The following IQUB variants were observed in gnomAD, a reference collection of about 807,000 sequenced individuals.
IQUB encodes the protein IQ motif and ubiquitin-like domain-containing protein.
In IQUB, 86 loss-of-function variants were observed where a neutral mutation model predicts 86.4. The ratio of observed to expected loss-of-function variants is 1.00; its 90% CI spans 0.84 to 1.19. The LOEUF is 1.19. Ranked by LOEUF, IQUB falls within the 50% of genes most tolerant of loss-of-function variation. The pLI, the probability that IQUB is intolerant of heterozygous loss-of-function variation, is 0.00. For synonymous variants in IQUB, 289 were observed against 304.5 expected (o/e 0.95, Z 0.53); for missense variants, 946 against 916.9 (o/e 1.03, Z -0.41).
At chr7:123,500,827 C>CA (rs375261699) in intron 6 of IQUB, among the ~76,000 whole-genome samples, 172 of 146,614 alleles carry the variant, frequency 1.2e-3, no homozygotes, top group African/African-American at 1.3e-3. Context: ...TTTAAAACTT[C>CA]AAAAAAAAAA....
Position 123,496,758 on chromosome 7 carries a change from T to C in IQUB, c.1172A>G (p.Tyr391Cys), listed in dbSNP as rs757492003. The change falls in exon 7 of 13, where the codon TAT becomes TGT. Residue 391 changes from tyrosine to cysteine, a missense_variant. Transcript: ENST00000324698. ...REKEEWIKLDYHRRHNPKTNE... is the reference protein window; with the variant it reads ...REKEEWIKLDCHRRHNPKTNE... ...TGTTTTAGGATTATGCCTCCGGTGA[T>C]AGTCCAATTTTATCCATTCTTCTTT... is the stretch of plus-strand genomic sequence containing the variant. 6.2e-7 allele frequency: 1 copy of C among 1,611,846 alleles called. No individual in the cohort carries two copies. The highest frequency in any genetic ancestry group is 8.5e-7 in the Non-Finnish European group (1 of 1,178,514).
intron 6 of IQUB, chr7:123,501,489 A>G (rs1795942419): frequency 6.6e-6 from 1 of 152,240 alleles, no homozygotes; most frequent in Non-Finnish European, 1.5e-5. Flanking sequence ...AGTGACTGCT[A>G]TCTTCTTACT....
intron 1 of IQUB, among the ~76,000 whole-genome samples, chr7:123,518,943 T>C (rs537224695): frequency 1.3e-5 from 2 of 149,076 alleles, no homozygotes; most frequent in East Asian, 3.9e-4. Flanking sequence ...TGTCTCAGTT[T>C]CCAGGGAGGC....
chr7:123,457,938 T>G (rs2116946382), intron 11 of IQUB: 1 of 169,884 alleles, frequency 5.9e-6, no homozygotes, highest in Non-Finnish European at 1.2e-5. Context: ...AGGGACCTTT[T>G]AAAACCTTTT....
intron 12 of IQUB, among the ~76,000 whole-genome samples, chr7:123,453,871 C>T (rs975620962): frequency 6.6e-6 from 1 of 152,122 alleles, no homozygotes; most frequent in Admixed American, 6.6e-5. Flanking sequence ...TTGGCACATT[C>T]AAAAGTAAAT....
chr7:123,473,904 C>T (rs1329202082), intron 8 of IQUB, among the ~76,000 whole-genome samples: 1 of 152,036 alleles, frequency 6.6e-6, no homozygotes, highest in African/African-American at 2.4e-5. Flanking sequence ...ATATTTGATA[C>T]TCTGTGGAAG....
At chr7:123,482,936 A>C (rs1057340446) in intron 7 of IQUB, among the ~76,000 whole-genome samples, 2 of 152,112 alleles carry the variant, frequency 1.3e-5, no homozygotes, top group Admixed American at 6.6e-5. Context: ...ACAGGTTGAA[A>C]CTGCAGCCCA....
intron 8 of IQUB, among the ~76,000 whole-genome samples, chr7:123,476,358 T>C (rs969084876): frequency 3.3e-5 from 5 of 152,172 alleles, no homozygotes; most frequent in African/African-American, 1.2e-4. Context: ...GGATGTTCCA[T>C]GTAAAGGCAC....
In IQUB at chr7:123,503,440, A is replaced by G. The variant is rs887011188; in HGVS notation, c.533-77T>C. 6 of 785,128 alleles carry G rather than the reference A, an allele frequency of 7.6e-6. No individual in the cohort carries two copies. The African/African-American group carries it at 1.1e-4, about 14-fold the overall frequency. The allele number at this position is 785,128 out of a possible 1,614,324, so 48.6% of individuals were successfully genotyped here. A position where few individuals can be genotyped will look rare whatever the true frequency, so the allele number is the denominator to read the frequency against. On this transcript the variant is annotated intron_variant, in intron 3 of 12. Coordinates refer to ENST00000324698, the MANE Select transcript of IQUB (RefSeq NM_178827.5). ...TCATTGATCTTATTTTTTGTTTTTA[A>G]TTGACAAATAAAAATTGTATATATT...
intron 8 of IQUB, among the ~76,000 whole-genome samples, chr7:123,479,492 A>G (rs1004813169): frequency 4.6e-5 from 7 of 152,120 alleles, no homozygotes; most frequent in African/African-American, 1.7e-4. Context: ...TCTAATTTAT[A>G]TAGCCAATCT....
At chr7:123,523,828 T>G (rs1281629072) in intron 1 of IQUB, among the ~76,000 whole-genome samples, 1 of 152,226 alleles carries the variant, frequency 6.6e-6, no homozygotes, top group African/African-American at 2.4e-5. Flanking sequence ...AGGGTTTTTA[T>G]GGTTTTAGGT....
chr7:123,511,984 C>T lies in IQUB; in HGVS notation c.357G>A (p.Lys119=), dbSNP rs1796436140. 1.9e-6 allele frequency: 3 copies of T among 1,611,112 alleles called. No homozygotes were observed. The highest frequency in any genetic ancestry group is 2.5e-6 in the Non-Finnish European group (3 of 1,177,626). ...CTTCCACTGATTCTTGCAAAGATTCCTTTACAGACTTTATTTTATCCAGAA... is the reference window on the plus strand; with the variant it reads ...CTTCCACTGATTCTTGCAAAGATTCTTTTACAGACTTTATTTTATCCAGAA... ...LAFLDKIKSV[K]ESLQESVEDS... The change falls in exon 2 of 13, where the codon AAG becomes AAA. Residue 119 remains lysine, a synonymous_variant. Coordinates refer to ENST00000324698, the MANE Select transcript of IQUB (RefSeq NM_178827.5).
intron 10 of IQUB, among the ~76,000 whole-genome samples, chr7:123,464,529 C>T (rs1794157420): frequency 6.6e-6 from 1 of 151,772 alleles, no homozygotes; most frequent in Non-Finnish European, 1.5e-5. Flanking sequence ...CAGGGGAAAC[C>T]AACGGTATGT....
At chr7:123,479,070 G>T (rs1051433611) in intron 8 of IQUB, among the ~76,000 whole-genome samples, 12 of 152,016 alleles carry the variant, frequency 7.9e-5, no homozygotes, top group African/African-American at 2.7e-4. Context: ...TGGTTTTTAA[G>T]AACAAATGTC....
chr7:123,522,027 T>C (rs900293068), intron 1 of IQUB, among the ~76,000 whole-genome samples: 3 of 152,026 alleles, frequency 2.0e-5, no homozygotes, highest in Non-Finnish European at 4.4e-5. Context: ...AAAGAAGCAA[T>C]CGGCCATGGG....
chr7:123,491,546 AT>A (rs1274651149), intron 7 of IQUB, among the ~76,000 whole-genome samples: 106 of 152,316 alleles, frequency 7.0e-4, no homozygotes, highest in African/African-American at 2.4e-3. Context: ...AACATGGAAC[AT>A]TATTAACATC....
intron 3 of IQUB, among the ~76,000 whole-genome samples, chr7:123,504,917 G>A (rs1796109383): frequency 6.6e-6 from 1 of 152,150 alleles, no homozygotes. Flanking sequence ...GACAAGGCAA[G>A]TCCCTTCCAC....
At chr7:123,527,798 G>A (rs1002281208) in intron 1 of IQUB, among the ~76,000 whole-genome samples, 64 of 152,160 alleles carry the variant, frequency 4.2e-4, no homozygotes, top group Non-Finnish European at 7.4e-4. Flanking sequence ...CAGAGGTGGA[G>A]CCTACAGAGG....
chr7:123,479,729 G>A, intron 8 of IQUB, 66 bp downstream of exon 8: 1 of 1,142,798 alleles, frequency 8.8e-7, no homozygotes, highest in South Asian at 1.4e-5. Context: ...TCTCTTGTCT[G>A]GTACATTATT....
Sources: allele counts gnomAD v4.1 joint callset (sites outside exome capture counted in the v4.1 genomes callset), GRCh38; gene constraint gnomAD v4.1.1; transcripts MANE v1.5; gene names NCBI Gene and HGNC (gene_info 2026-07-23, HGNC 2026-07-21).